The following GAB1 variants were observed in gnomAD, a reference collection of about 807,000 sequenced individuals.
GAB1 encodes the protein GRB2-associated-binding protein 1.
GAB1 carries 19 observed loss-of-function variants against 66.5 expected under a neutral mutation model. That is an observed-to-expected ratio of 0.29 (90% CI 0.20 to 0.42). GAB1 has a LOEUF of 0.42. Among genes scored for constraint, GAB1 ranks in the 10% least tolerant of loss-of-function variants. The pLI, the probability that GAB1 is intolerant of heterozygous loss-of-function variation, is 1.00. For synonymous variants in GAB1, 294 were observed against 301.4 expected (o/e 0.98, Z 0.25); for missense variants, 732 against 858.5 (o/e 0.85, Z 1.84).
intron 1 of GAB1, among the ~76,000 whole-genome samples, chr4:143,387,903 T>G (rs563072644): frequency 1.3e-4 from 20 of 152,284 alleles, no homozygotes; most frequent in African/African-American, 4.8e-4. Context: ...AAACACCTTG[T>G]GCCTGCGCTG....
intron 8 of GAB1, among the ~76,000 whole-genome samples, chr4:143,461,463 C>T (rs1396076152): frequency 6.6e-6 from 1 of 152,144 alleles, no homozygotes; most frequent in Non-Finnish European, 1.5e-5. Context: ...ATGCTCCAGC[C>T]AGCAGAGTGA....
chr4:143,359,259 C>T (rs1320876184), intron 1 of GAB1, among the ~76,000 whole-genome samples: 1 of 152,140 alleles, frequency 6.6e-6, no homozygotes, highest in East Asian at 1.9e-4. Flanking sequence ...ACCCCCTCAT[C>T]CAGATGAGAT....
Position 143,474,522 on chromosome 4 carries a change from A to G in GAB1, c.*5333A>G, listed in dbSNP as rs1197642252. 1.3e-5 allele frequency: 2 copies of G among 152,212 alleles called. No homozygotes were observed. The highest frequency in any genetic ancestry group is 2.4e-5 in the African/African-American group (1 of 41,458). The allele number at this position is 152,212 out of a possible 1,614,324, so 9.4% of individuals were successfully genotyped here. ...TGAATATATTTTGTAGATGTGATTA[A>G]CATTTACAATCAGTTGATTTTAAGT... On this transcript the variant is annotated 3_prime_UTR_variant, in exon 10 of 10. Transcript: ENST00000262994.
chr4:143,370,355 T>C (rs1730065666), intron 1 of GAB1, among the ~76,000 whole-genome samples: 1 of 152,164 alleles, frequency 6.6e-6, no homozygotes. Flanking sequence ...CCCTGGGCTC[T>C]TCTGTCTCCA....
chr4:143,384,480 G>A (rs1240249405), intron 1 of GAB1, among the ~76,000 whole-genome samples: 1 of 152,204 alleles, frequency 6.6e-6, no homozygotes, highest in Admixed American at 6.5e-5. Flanking sequence ...GGGTGAACTT[G>A]ACTTTCCTTG....
chr4:143,450,548 G>A lies in GAB1; in HGVS notation c.1586-8837G>A, dbSNP rs935500368. Reference sequence around the variant, plus strand: ...TGCCTTGACTGTATTTGAGATGACCGACTTGAAATACCCTTAGAATTTAGT... The same window carrying A: ...TGCCTTGACTGTATTTGAGATGACCAACTTGAAATACCCTTAGAATTTAGT... On this transcript the variant is annotated intron_variant, in intron 6 of 9. Coordinates refer to ENST00000262994, the MANE Select transcript of GAB1 (RefSeq NM_002039.4). 4.6e-5 allele frequency among the ~76,000 whole-genome samples: 7 copies of A among 152,196 alleles called. No individual in the cohort carries two copies. In the East Asian group the frequency reaches 9.7e-4, roughly 21 times the overall value.
chr4:143,349,138 A>G, intron 1 of GAB1: 2 of 410,540 alleles, frequency 4.9e-6, no homozygotes, highest in South Asian at 4.1e-5. Flanking sequence ...TGTGAGCCCC[A>G]GGTACATTTG....
At chr4:143,441,205 T>A (rs1734211141) in intron 6 of GAB1, among the ~76,000 whole-genome samples, 1 of 152,240 alleles carries the variant, frequency 6.6e-6, no homozygotes, top group African/African-American at 2.4e-5. Context: ...CCAGGTTTTT[T>A]AAATTGGGGT....
intron 1 of GAB1, among the ~76,000 whole-genome samples, chr4:143,365,021 G>A (rs907838390): frequency 3.3e-5 from 5 of 151,658 alleles, no homozygotes; most frequent in Non-Finnish European, 7.4e-5. Context: ...GGGACTACAG[G>A]CGCCCGCCAC....
At position 143,373,868 on chromosome 4, in the gene GAB1, A is replaced by AATAAATAAATAT; in HGVS notation, c.72+36611_72+36612insAATAAATATATA. Among the ~76,000 whole-genome samples the AATAAATAAATAT allele has an allele frequency of 4.3e-5, 4 of 93,670 alleles. 1 individual carries two copies. The highest frequency in any genetic ancestry group is 1.9e-4 in the African/African-American group (4 of 21,568). The allele number at this position is 93,670 out of a possible 152,430, so 61.5% of individuals were successfully genotyped here. A position where few individuals can be genotyped will look rare whatever the true frequency, so the allele number is the denominator to read the frequency against. On this transcript the variant is annotated intron_variant, in intron 1 of 9. Coordinates refer to ENST00000262994, the MANE Select transcript of GAB1 (RefSeq NM_002039.4). ...CTCTCTCTCTCTCTGTAAATAAATAAATATATATATATATATATTTTTACC... is the reference window on the plus strand; with the variant it reads ...CTCTCTCTCTCTCTGTAAATAAATAAATAAATAAATATATATATATATATATATATTTTTACC...
intron 1 of GAB1, among the ~76,000 whole-genome samples, chr4:143,371,333 T>G (rs1730112733): frequency 1.3e-5 from 2 of 152,268 alleles, no homozygotes; most frequent in Non-Finnish European, 2.9e-5. Flanking sequence ...GTCTGTTGGC[T>G]GCATAAATGT....
intron 1 of GAB1, among the ~76,000 whole-genome samples, chr4:143,374,223 C>A (rs1380295665): frequency 6.6e-6 from 1 of 152,050 alleles, no homozygotes; most frequent in Non-Finnish European, 1.5e-5. Context: ...AGAGGAGTTG[C>A]TTCTCTTGCT....
intron 9 of GAB1, among the ~76,000 whole-genome samples, chr4:143,467,083 A>AT (rs1280155871): frequency 4.6e-5 from 7 of 151,806 alleles, no homozygotes; most frequent in African/African-American, 1.7e-4. Flanking sequence ...ATTGGTAGTA[A>AT]TTTTTTTCAG....
At chr4:143,410,099 G>A (rs996777594) in intron 1 of GAB1, among the ~76,000 whole-genome samples, 1 of 151,260 alleles carries the variant, frequency 6.6e-6, no homozygotes, top group Non-Finnish European at 1.5e-5. Context: ...TGTGCATTCA[G>A]GGCAGAGAAC....
At chr4:143,408,999 G>T in intron 1 of GAB1, among the ~76,000 whole-genome samples, 1 of 152,292 alleles carries the variant, frequency 6.6e-6, no homozygotes, top group East Asian at 1.9e-4. Flanking sequence ...GGTATACTTT[G>T]TTAGGGCTTA....
chr4:143,373,857 G>GTAAATAAATAAATAAATAAATAAATAAA (rs1231332592), intron 1 of GAB1, among the ~76,000 whole-genome samples: 1 of 53,834 alleles, frequency 1.9e-5, no homozygotes, highest in Non-Finnish European at 3.7e-5. Context: ...CTCTCTCTCT[G>GTAAATAAATAAATAAATAAATAAATAAA]TAAATAAATA....
chr4:143,450,143 G>A (rs1372105837), intron 6 of GAB1, among the ~76,000 whole-genome samples: 1 of 151,672 alleles, frequency 6.6e-6, no homozygotes, highest in Non-Finnish European at 1.5e-5. Flanking sequence ...CTTAATGTGG[G>A]GTTTTTTCCT....
intron 1 of GAB1, chr4:143,395,594 A>G (rs764243281): frequency 1.6e-5 from 4 of 254,400 alleles, no homozygotes; most frequent in Non-Finnish European, 3.1e-5. Context: ...GTTAGATGCA[A>G]ATAACTCTGG....
chr4:143,385,326 G>A (rs559907112), intron 1 of GAB1, among the ~76,000 whole-genome samples: 1 of 152,158 alleles, frequency 6.6e-6, no homozygotes, highest in Admixed American at 6.5e-5. Context: ...TTGATCACTG[G>A]GGGTCTGTAG....
Sources: gnomAD v4.1 joint callset for allele counts (sites outside exome capture counted in the v4.1 genomes callset) on GRCh38, gnomAD v4.1.1 for gene constraint, MANE v1.5 for transcripts, NCBI Gene and HGNC (gene_info 2026-07-23, HGNC 2026-07-21) for gene names.